Variants in EIF4G3 observed in about 807,000 individuals in gnomAD.
EIF4G3 encodes the protein eukaryotic translation initiation factor 4 gamma 3.
EIF4G3 carries 34 observed loss-of-function variants against 186.4 expected under a neutral mutation model. The ratio of observed to expected loss-of-function variants is 0.18; its 90% CI spans 0.14 to 0.24. EIF4G3 has a LOEUF of 0.24. Among genes scored for constraint, EIF4G3 ranks in the 10% least tolerant of loss-of-function variants. The pLI is 1.00. For missense variants in EIF4G3, 1,536 were observed against 1,948.5 expected (o/e 0.79, Z 3.99); for synonymous variants, 673 against 679.5 (o/e 0.99, Z 0.15).
intron 26 of EIF4G3, among the ~76,000 whole-genome samples, 197 bp from the exon 27 acceptor site, chr1:20,853,874 CTTTA>C (rs1276653801): frequency 1.3e-5 from 2 of 152,034 alleles, no homozygotes; most frequent in South Asian, 4.1e-4. Flanking sequence ...GTTTAGAAGT[CTTTA>C]TTTATTTCAA....
chr1:20,925,704 T>C (rs747985911), intron 14 of EIF4G3, among the ~76,000 whole-genome samples: 10 of 152,118 alleles, frequency 6.6e-5, no homozygotes, highest in Non-Finnish European at 1.3e-4. Flanking sequence ...TGGCTAATGT[T>C]TAAATTTTTT....
intron 19 of EIF4G3, among the ~76,000 whole-genome samples, chr1:20,883,527 G>C (rs1465194807): frequency 6.6e-6 from 1 of 152,036 alleles, no homozygotes; most frequent in African/African-American, 2.4e-5. Context: ...TGAGGCAGAA[G>C]AATCACTTGA....
chr1:21,025,340 TATGA>T (rs1557588779), intron 4 of EIF4G3, among the ~76,000 whole-genome samples: 2 of 152,034 alleles, frequency 1.3e-5, no homozygotes, highest in African/African-American at 4.8e-5. Flanking sequence ...ATTACAACAA[TATGA>T]ACTCTTAGTG....
intron 3 of EIF4G3, among the ~76,000 whole-genome samples, chr1:21,068,262 G>A (rs917701047): frequency 6.6e-6 from 1 of 151,110 alleles, no homozygotes; most frequent in African/African-American, 2.4e-5. Flanking sequence ...CCAGCTACTC[G>A]GGAGGCTGAG....
intron 4 of EIF4G3, among the ~76,000 whole-genome samples, chr1:21,015,812 T>C (rs1293137958): frequency 2.7e-5 from 4 of 147,060 alleles, no homozygotes; most frequent in African/African-American, 1.0e-4. Context: ...AAAATTTTAA[T>C]TCAAAAATGA....
intron 4 of EIF4G3, among the ~76,000 whole-genome samples, chr1:21,033,866 T>C (rs770011919): frequency 3.3e-5 from 5 of 151,926 alleles, no homozygotes; most frequent in Admixed American, 6.6e-5. Flanking sequence ...GGAGGGAGGA[T>C]AGACTAAGGT....
chr1:20,837,279 C>T (rs2067028988), intron 30 of EIF4G3, among the ~76,000 whole-genome samples: 1 of 151,982 alleles, frequency 6.6e-6, no homozygotes. Flanking sequence ...AATCTCAGCT[C>T]ACTGCAACCT....
At position 20,842,608 on chromosome 1, in the gene EIF4G3, C is replaced by CT. The variant is rs374289971; in HGVS notation, c.3889-1581_3889-1580insA. On this transcript the variant is annotated intron_variant, in intron 29 of 36. Coordinates refer to ENST00000602326, the MANE Select transcript of EIF4G3 (RefSeq NM_001391906.1). ...TTTCAAACTCCTGACCTCAGGTAAT[C>CT]GCCTGCCTCAGCCTCCCAAAATGCT... Among the ~76,000 whole-genome samples, 700 of 152,298 alleles carry CT rather than the reference C, an allele frequency of 4.6e-3. 5 individuals carry two copies. Among genetic ancestry groups the CT allele is most frequent in the African/African-American group, 0.016 (665 of 41,562 alleles).
At chr1:20,928,958 A>G (rs1301023052) in intron 14 of EIF4G3, among the ~76,000 whole-genome samples, 1 of 152,114 alleles carries the variant, frequency 6.6e-6, no homozygotes, top group African/African-American at 2.4e-5. Context: ...CCTATTCCTG[A>G]CATTTCATAC....
chr1:21,172,138 A>C (rs2097991242), intron 2 of EIF4G3, among the ~76,000 whole-genome samples: 1 of 128,880 alleles, frequency 7.8e-6, no homozygotes, highest in African/African-American at 2.9e-5. Context: ...AAAAAAAAAA[A>C]GCCTGAAACG....
intron 29 of EIF4G3, among the ~76,000 whole-genome samples, chr1:20,849,205 A>T (rs542366557): frequency 1.7e-3 from 256 of 152,236 alleles, no homozygotes; most frequent in Middle Eastern, 3.4e-3. Context: ...CTCTCTGCCC[A>T]CCACTCTATG....
chr1:21,055,188 T>C (rs2094504188), intron 3 of EIF4G3, among the ~76,000 whole-genome samples: 1 of 152,184 alleles, frequency 6.6e-6, no homozygotes, highest in African/African-American at 2.4e-5. Flanking sequence ...TATGAATTTA[T>C]ATTATTTCCC....
intron 4 of EIF4G3, among the ~76,000 whole-genome samples, chr1:21,019,241 G>T (rs548418472): frequency 7.9e-5 from 12 of 152,308 alleles, no homozygotes; most frequent in Admixed American, 7.8e-4. Flanking sequence ...ACAAAAGCTT[G>T]ATATCAAACA....
At chr1:21,047,638 T>C (rs2093970181) in intron 4 of EIF4G3, among the ~76,000 whole-genome samples, 1 of 152,164 alleles carries the variant, frequency 6.6e-6, no homozygotes, top group Non-Finnish European at 1.5e-5. Context: ...CCCTTCTTCG[T>C]GTTTCATATG....
At chr1:20,898,898 T>C (rs1196932090) in intron 16 of EIF4G3, among the ~76,000 whole-genome samples, 1 of 152,162 alleles carries the variant, frequency 6.6e-6, no homozygotes, top group Non-Finnish European at 1.5e-5. Context: ...GCCCAGCTTA[T>C]TTTGTATTTT....
chr1:21,075,506 T>C (rs1572134004), intron 3 of EIF4G3, among the ~76,000 whole-genome samples: 1 of 126,860 alleles, frequency 7.9e-6, no homozygotes. Flanking sequence ...GAGGCGGAGG[T>C]TGCAGCAAGC....
chr1:20,917,846 C>T (rs1177465899), intron 14 of EIF4G3, among the ~76,000 whole-genome samples: 1 of 152,074 alleles, frequency 6.6e-6, no homozygotes, highest in African/African-American at 2.4e-5. Context: ...ATATCTATTA[C>T]ACAACTATCA....
intron 14 of EIF4G3, among the ~76,000 whole-genome samples, chr1:20,918,823 G>A (rs1233944393): frequency 6.7e-6 from 1 of 150,046 alleles, no homozygotes; most frequent in Non-Finnish European, 1.5e-5. Context: ...GAGATTATAG[G>A]TCTGAGCCAC....
chr1:21,075,570 C>CAAAAAAAAAAAAAA (rs55649192), intron 3 of EIF4G3, among the ~76,000 whole-genome samples: 3 of 51,554 alleles, frequency 5.8e-5, no homozygotes, highest in African/African-American at 9.9e-5. Flanking sequence ...CTCCAACTCA[C>CAAAAAAAAAAAAAA]AAAAAAAAAA....
Sources: allele counts gnomAD v4.1 joint callset (sites outside exome capture counted in the v4.1 genomes callset), GRCh38; gene constraint gnomAD v4.1.1; transcripts MANE v1.5; gene names NCBI Gene and HGNC (gene_info 2026-07-23, HGNC 2026-07-21).